The following N4BP2L2 variants were observed in gnomAD, a reference collection of about 807,000 sequenced individuals.
N4BP2L2 encodes NEDD4-binding protein 2-like 2.
N4BP2L2 carries 50 observed loss-of-function variants against 56.2 expected under a neutral mutation model. That is an observed-to-expected ratio of 0.89 (90% CI 0.71 to 1.13). The LOEUF is 1.13. N4BP2L2 is among the 50% of genes most tolerant of loss of function. The pLI, the probability that N4BP2L2 is intolerant of heterozygous loss-of-function variation, is 0.00. For missense variants in N4BP2L2, 689 were observed against 693.8 expected, an observed-to-expected ratio of 0.99 and a Z score of 0.08; for synonymous variants, 203 against 223.6, an observed-to-expected ratio of 0.91 and a Z score of 0.82.
intron 2 of N4BP2L2, among the ~76,000 whole-genome samples, chr13:32,533,116 GGGA>G (rs2055436171): frequency 6.6e-6 from 1 of 152,064 alleles, no homozygotes; most frequent in South Asian, 2.1e-4. Flanking sequence ...AATAGCTGGT[GGGA>G]TAAGTCTCGT....
intron 7 of N4BP2L2, chr13:32,438,792 C>G: frequency 7.4e-7 from 1 of 1,359,740 alleles, no homozygotes; most frequent in Non-Finnish European, 1.0e-6. Flanking sequence ...GATTTTTGCC[C>G]TAACTGTGAA....
At chr13:32,482,483 T>C (rs1401001192) in intron 6 of N4BP2L2, among the ~76,000 whole-genome samples, 1 of 151,948 alleles carries the variant, frequency 6.6e-6, no homozygotes, top group African/African-American at 2.4e-5. Flanking sequence ...CACTTCAGCC[T>C]CCTAAGGAGC....
intron 6 of N4BP2L2, among the ~76,000 whole-genome samples, chr13:32,464,377 A>G (rs1000228527): frequency 1.3e-5 from 2 of 152,146 alleles, no homozygotes; most frequent in African/African-American, 4.8e-5. Flanking sequence ...TGGAGGTGAG[A>G]GGGGGAAAAT....
At chr13:32,534,842 T>G (rs891370495) in intron 2 of N4BP2L2, among the ~76,000 whole-genome samples, 12 of 152,210 alleles carry the variant, frequency 7.9e-5, no homozygotes, top group African/African-American at 2.9e-4. Flanking sequence ...TGAATCATCT[T>G]ATATAAACTC....
intron 6 of N4BP2L2, among the ~76,000 whole-genome samples, chr13:32,492,273 A>ATTTAT (rs2087298385): frequency 2.8e-5 from 2 of 72,128 alleles, no homozygotes; most frequent in Non-Finnish European, 4.8e-5. Flanking sequence ...AAACACCAAA[A>ATTTAT]TTTTTTTTTT....
At chr13:32,517,739 A>C in exon 6 of N4BP2L2, 3 of 1,580,288 alleles carry the variant, frequency 1.9e-6, no homozygotes, top group Non-Finnish European at 2.6e-6. Flanking sequence ...CTTAAACTCC[A>C]AGACAGGCTC....
chr13:32,490,994 T>A (rs1020144865), intron 6 of N4BP2L2, among the ~76,000 whole-genome samples: 5 of 86,698 alleles, frequency 5.8e-5, no homozygotes, highest in Admixed American at 4.2e-4. Flanking sequence ...TTCACCCAGA[T>A]TAAAGCAAAA....
intron 6 of N4BP2L2, among the ~76,000 whole-genome samples, chr13:32,480,852 C>T (rs1168636173): frequency 2.0e-5 from 3 of 151,948 alleles, no homozygotes; most frequent in African/African-American, 4.8e-5. Flanking sequence ...GGCACGGTGA[C>T]TCACACCTAT....
At chr13:32,477,217 G>A in intron 6 of N4BP2L2, 1 of 419,886 alleles carries the variant, frequency 2.4e-6, no homozygotes, top group South Asian at 2.5e-5. Flanking sequence ...AGGATGCCCT[G>A]GCTATGAACT....
At chr13:32,494,331 G>A (rs2087948755) in intron 6 of N4BP2L2, among the ~76,000 whole-genome samples, 1 of 152,016 alleles carries the variant, frequency 6.6e-6, no homozygotes, top group Non-Finnish European at 1.5e-5. Context: ...GAGATATCCT[G>A]TAAATCCCTT....
intron 7 of N4BP2L2, among the ~76,000 whole-genome samples, chr13:32,438,932 G>A (rs2075842124): frequency 6.6e-6 from 1 of 152,208 alleles, no homozygotes; most frequent in Non-Finnish European, 1.5e-5. Context: ...CCAATACTAG[G>A]ATTCATTTGA....
intron 7 of N4BP2L2, among the ~76,000 whole-genome samples, chr13:32,440,009 G>A (rs2076064868): frequency 6.9e-6 from 1 of 145,412 alleles, no homozygotes; most frequent in Non-Finnish European, 1.5e-5. Context: ...CTGGGTGGCA[G>A]AGCGAGACTC....
exon 4 of N4BP2L2, chr13:32,522,223 T>C: frequency 6.3e-7 from 1 of 1,574,822 alleles, no homozygotes; most frequent in Non-Finnish European, 8.6e-7. Flanking sequence ...TGTATATTAG[T>C]GTTATCTATT....
At chr13:32,530,592 G>C (rs935021136) in intron 2 of N4BP2L2, among the ~76,000 whole-genome samples, 1 of 152,044 alleles carries the variant, frequency 6.6e-6, no homozygotes, top group Non-Finnish European at 1.5e-5. Context: ...CTTTTTGAGA[G>C]CCTATTTTAT....
At chr13:32,491,920 G>A (rs1180707655) in intron 6 of N4BP2L2, among the ~76,000 whole-genome samples, 3 of 151,930 alleles carry the variant, frequency 2.0e-5, no homozygotes, top group Non-Finnish European at 2.9e-5. Context: ...ATGAGCCACC[G>A]CACCCGGCCG....
At chr13:32,487,730 G>A (rs769994603) in intron 6 of N4BP2L2, among the ~76,000 whole-genome samples, 14 of 152,094 alleles carry the variant, frequency 9.2e-5, no homozygotes, top group Admixed American at 2.0e-4. Flanking sequence ...TATATATAAC[G>A]AATATCTTCC....
chr13:32,482,391 T>A (rs554647727), intron 6 of N4BP2L2, among the ~76,000 whole-genome samples: 1 of 152,330 alleles, frequency 6.6e-6, no homozygotes, highest in South Asian at 2.1e-4. Context: ...AGACAGAGTC[T>A]CACTTTGTCG....
At chr13:32,511,684 A>C (rs2048170766) in exon 6 of N4BP2L2, 1 of 152,194 alleles carries the variant, frequency 6.6e-6, no homozygotes, top group South Asian at 2.1e-4. Flanking sequence ...GGAGGGAAAA[A>C]GATATTATCT....
chr13:32,517,781 T>C (rs768668686), exon 6 of N4BP2L2: 5 of 1,611,068 alleles, frequency 3.1e-6, no homozygotes, highest in South Asian at 2.2e-5. Context: ...ACAACAAATG[T>C]GTTAGCTGAA....
Sources: allele counts gnomAD v4.1 joint callset (sites outside exome capture counted in the v4.1 genomes callset), GRCh38; gene constraint gnomAD v4.1.1; transcripts MANE v1.5; gene names NCBI Gene and HGNC (gene_info 2026-07-23, HGNC 2026-07-21).